Variants in TRIM45 observed in about 807,000 individuals in gnomAD.
TRIM45 encodes the protein tripartite motif containing 45.
A neutral mutation model predicts 46.7 loss-of-function variants in TRIM45; 45 were observed. That is an observed-to-expected ratio of 0.96 (90% CI 0.76 to 1.24). The LOEUF is 1.24. Ranked by LOEUF, TRIM45 falls within the 50% of genes most tolerant of loss-of-function variation. The probability of loss-of-function intolerance (pLI) is 0.00; values close to 1 mark genes in which losing one functional copy is unlikely to be tolerated. For missense variants in TRIM45, 680 were observed against 728.4 expected, an observed-to-expected ratio of 0.93 and a Z score of 0.77; for synonymous variants, 259 against 285.8, an observed-to-expected ratio of 0.91 and a Z score of 0.94.
chr1:117,116,328 G>A lies in TRIM45; in HGVS notation c.1352+288C>T, dbSNP rs182606719. On this transcript the variant is annotated intron_variant, in intron 3 of 5. Coordinates refer to ENST00000256649, the MANE Select transcript of TRIM45 (RefSeq NM_025188.4). The surrounding 1 kb of genome is among the most constrained non-coding windows in gnomAD (Gnocchi z 4.6). ...AGCTCACTGCAACCTCGACCTCCTGGGCTCAAGGGATCCTCCCATCTCAGC... is the reference window on the plus strand; with the variant it reads ...AGCTCACTGCAACCTCGACCTCCTGAGCTCAAGGGATCCTCCCATCTCAGC... Among the ~76,000 whole-genome samples, 183 of 151,864 alleles carry A rather than the reference G, an allele frequency of 1.2e-3. No individual in the cohort carries two copies. The highest frequency in any genetic ancestry group is 0.01 in the Middle Eastern group (3 of 294).
Position 117,121,690 on chromosome 1 carries a change from G to C in TRIM45, c.-489C>G. On this transcript the variant is annotated 5_prime_UTR_variant, in exon 1 of 6. Coordinates refer to ENST00000256649, the MANE Select transcript of TRIM45 (RefSeq NM_025188.4). The surrounding 1 kb of genome is among the most constrained non-coding windows in gnomAD (Gnocchi z 4.2). ...GTGAGGGAATTGCAAGCCGCCGGCG[G>C]GCTTCTCGGTGTCCACCGCCTCTCC... The C allele has an allele frequency of 1.8e-6, 1 of 551,342 alleles. No homozygotes were observed. The highest frequency in any genetic ancestry group is 2.2e-5 in the South Asian group (1 of 45,218). The allele number at this position is 551,342 out of a possible 1,614,324, so 34.2% of individuals were successfully genotyped here.
chr1:117,121,211 G>A lies in TRIM45; in HGVS notation c.-10C>T. On this transcript the variant is annotated 5_prime_UTR_variant, in exon 1 of 6. The change creates a new upstream start codon in the 5' untranslated region. Coordinates refer to ENST00000256649, the MANE Select transcript of TRIM45 (RefSeq NM_025188.4). The surrounding 1 kb of genome is among the most constrained non-coding windows in gnomAD (Gnocchi z 4.2). Reference sequence around the variant, plus strand: ...TTCTGTTTTCTGACATACTCCTCACGTTTGTGACCAATATTAGAAAGGGCC... The same window carrying A: ...TTCTGTTTTCTGACATACTCCTCACATTTGTGACCAATATTAGAAAGGGCC... The A allele has an allele frequency of 2.0e-6, 3 of 1,528,088 alleles. No homozygotes were observed. The highest frequency in any genetic ancestry group is 1.3e-5 in the South Asian group (1 of 77,162). 94.7% of individuals were successfully genotyped at this position (1,528,088 alleles called of 1,614,324 possible). A position where few individuals can be genotyped will look rare whatever the true frequency, so the allele number is the denominator to read the frequency against.
upstream of TRIM45, chr1:117,121,935 G>T: frequency 1.5e-6 from 1 of 686,188 alleles, no homozygotes; most frequent in South Asian, 1.6e-5. This position sits in a 1 kb window ranked among gnomAD's most constrained non-coding sequence, Gnocchi z 4.2. Context: ...ACAAGGCCGT[G>T]GGCGGGGCGG....
chr1:117,121,509 C>A lies in TRIM45; in HGVS notation c.-308G>T. 1 of 528,090 alleles carries A rather than the reference C, an allele frequency of 1.9e-6. No homozygotes were observed. The allele number at this position is 528,090 out of a possible 1,614,324, so 32.7% of individuals were successfully genotyped here. ...CTAGCTCTCCAGCTAGTCCTGCTGC[C>A]AACAAAGTCACCCCTGCACCTCTCG... On this transcript the variant is annotated 5_prime_UTR_variant, in exon 1 of 6. Transcript: ENST00000256649. The surrounding 1 kb of genome is among the most constrained non-coding windows in gnomAD (Gnocchi z 4.2).
chr1:117,116,542 A>G lies in TRIM45; in HGVS notation c.1352+74T>C. On this transcript the variant is annotated intron_variant, in intron 3 of 5. Transcript: ENST00000256649. This position sits in a 1 kb window ranked among gnomAD's most constrained non-coding sequence, Gnocchi z 4.6. ...GCATGAGCCACTGTGCCCAGCTCCA[A>G]TATCTTAAAGGACCTCATGTTTCCA... 1.3e-6 allele frequency: 2 copies of G among 1,573,820 alleles called. No homozygotes were observed. The highest frequency in any genetic ancestry group is 1.7e-6 in the Non-Finnish European group (2 of 1,157,034).
Position 117,121,724 on chromosome 1 carries a change from G to C in TRIM45, c.-523C>G, listed in dbSNP as rs1019664276. 3 of 593,650 alleles carry C rather than the reference G, an allele frequency of 5.1e-6. No homozygotes were observed. Among genetic ancestry groups the C allele is most frequent in the Non-Finnish European group, 9.2e-6 (3 of 327,708 alleles). The allele number at this position is 593,650 out of a possible 1,614,324, so 36.8% of individuals were successfully genotyped here. On this transcript the variant is annotated 5_prime_UTR_variant, in exon 1 of 6. Coordinates refer to ENST00000256649, the MANE Select transcript of TRIM45 (RefSeq NM_025188.4). The surrounding 1 kb of genome is among the most constrained non-coding windows in gnomAD (Gnocchi z 4.2). ...GTGTCCACCGCCTCTCCCGCGCCTC[G>C]GCCCGGGACGCCCGCGGGCTCTGGC...
chr1:117,119,943 A>C (rs1650557290), intron 1 of TRIM45, among the ~76,000 whole-genome samples: 1 of 152,160 alleles, frequency 6.6e-6, no homozygotes, highest in African/African-American at 2.4e-5. Flanking sequence ...TGGAAGTAGA[A>C]CCCGAAACCT....
chr1:117,118,155 T>C lies in TRIM45; in HGVS notation c.1101A>G (p.Gly367=), dbSNP rs769913395. 1.9e-6 allele frequency: 3 copies of C among 1,614,104 alleles called. No individual in the cohort carries two copies. The Admixed American group carries it at 5.0e-5, about 27-fold the overall frequency. Residue 367 remains glycine, a synonymous_variant, in exon 2 of 6, where the codon GGA becomes GGG. Transcript: ENST00000256649. This position sits in a 1 kb window ranked among gnomAD's most constrained non-coding sequence, Gnocchi z 5.7. Reference sequence around the variant, plus strand: ...GACAGAAGCGTATCTTATCATTTACTCCAGGACGGGTGCTATATTGAACTT... The same window carrying C: ...GACAGAAGCGTATCTTATCATTTACCCCAGGACGGGTGCTATATTGAACTT... ...LNKVQYSTRP[G]VNDKIRFCPQ...
In TRIM45 at chr1:117,115,493, T is replaced by C; in HGVS notation, c.1467+82A>G. 1.0e-6 allele frequency: 1 copy of C among 984,174 alleles called. No individual in the cohort carries two copies. Among genetic ancestry groups the C allele is most frequent in the Non-Finnish European group, 1.6e-6 (1 of 615,854 alleles). 61.0% of individuals were successfully genotyped at this position (984,174 alleles called of 1,614,324 possible). A position where few individuals can be genotyped will look rare whatever the true frequency, so the allele number is the denominator to read the frequency against. ...GGGGATTCTATTCAATCTCTCTGTATAGCTGATCCTATGTGAAATGTCTCC... is the reference window on the plus strand; with the variant it reads ...GGGGATTCTATTCAATCTCTCTGTACAGCTGATCCTATGTGAAATGTCTCC... On this transcript the variant is annotated intron_variant, in intron 4 of 5. Transcript: ENST00000256649. The surrounding 1 kb of genome is among the most constrained non-coding windows in gnomAD (Gnocchi z 4.2).
Position 117,118,822 on chromosome 1 carries a change from A to C in TRIM45, c.489-55T>G, listed in dbSNP as rs1041255748. ...ATAAGGGGATAATTCTGTTGGGAATAGTTGGGCAGAGAGATTTTAGGAGCA... is the reference window on the plus strand; with the variant it reads ...ATAAGGGGATAATTCTGTTGGGAATCGTTGGGCAGAGAGATTTTAGGAGCA... On this transcript the variant is annotated intron_variant, in intron 1 of 5. Coordinates refer to ENST00000256649, the MANE Select transcript of TRIM45 (RefSeq NM_025188.4). This position sits in a 1 kb window ranked among gnomAD's most constrained non-coding sequence, Gnocchi z 5.7. 1 of 1,552,764 alleles carries C rather than the reference A, an allele frequency of 6.4e-7. No individual in the cohort carries two copies. Among genetic ancestry groups the C allele is most frequent in the African/African-American group, 1.4e-5 (1 of 73,052 alleles).
In TRIM45 at chr1:117,118,548, G is replaced by A. The variant is rs1292043435; in HGVS notation, c.708C>T (p.Asp236=). The change falls in exon 2 of 6, where the codon GAC becomes GAT. Residue 236 remains aspartate (D), a synonymous_variant. Coordinates refer to ENST00000256649, the MANE Select transcript of TRIM45 (RefSeq NM_025188.4). The surrounding 1 kb of genome is among the most constrained non-coding windows in gnomAD (Gnocchi z 5.7). ...TACCTTTGAGGAGCTCCCACACAGA[G>A]TCCCCATGCTTGTGGATGACATTGC... ...FTSNVIHKHG[D]SVWELLKGTQ... The A allele has an allele frequency of 6.2e-7, 1 of 1,614,172 alleles. No homozygotes were observed. Among genetic ancestry groups the A allele is most frequent in the Admixed American group, 1.7e-5 (1 of 60,028 alleles).
At position 117,116,807 on chromosome 1, in the gene TRIM45, C is replaced by T; in HGVS notation, c.1223-62G>A. On this transcript the variant is annotated intron_variant, in intron 2 of 5. Coordinates refer to ENST00000256649, the MANE Select transcript of TRIM45 (RefSeq NM_025188.4). The surrounding 1 kb of genome is among the most constrained non-coding windows in gnomAD (Gnocchi z 4.6). ...TAAACTGCAGTGACTACATCTCCAT[C>T]TTGCTTTTTCTCTTCAGAACAAAGG... is the stretch of plus-strand genomic sequence containing the variant. 1 of 1,602,730 alleles carries T rather than the reference C, an allele frequency of 6.2e-7. No homozygotes were observed. The highest frequency in any genetic ancestry group is 8.5e-7 in the Non-Finnish European group (1 of 1,172,516).
intron 5 of TRIM45, 44 bp from the exon 6 acceptor site, chr1:117,112,497 T>A (rs753593627): frequency 6.4e-7 from 1 of 1,556,252 alleles, no homozygotes; most frequent in Non-Finnish European, 8.7e-7. Flanking sequence ...ACCATTAGCG[T>A]GGAGGCCAGC....
rs138579694 is a variant in TRIM45, at chr1:117,115,617, G to T, written c.1425C>A (p.Gly475=). 1.2e-6 allele frequency: 2 copies of T among 1,613,968 alleles called. No individual in the cohort carries two copies. Among genetic ancestry groups the T allele is most frequent in the Middle Eastern group, 1.6e-4 (1 of 6,084 alleles). Residue 475 remains glycine, a synonymous_variant, in exon 4 of 6, where the codon GGC becomes GGA. Transcript: ENST00000256649. The surrounding 1 kb of genome is among the most constrained non-coding windows in gnomAD (Gnocchi z 4.2). ...YYISYTPKEP[G]VYTVWVCIKE... The stretch of plus-strand genomic sequence containing the variant: ...TGATGCAGACCCACACAGTATAGAC[G>T]CCAGGTTCCTTGGGGGTGTAGGAAA...
chr1:117,120,566 G>A, intron 1 of TRIM45, 148 bp downstream of exon 1: 1 of 1,105,128 alleles, frequency 9.0e-7, no homozygotes, highest in African/African-American at 1.6e-5. Context: ...TTGTACTGGA[G>A]TATTTGCTAT....
chr1:117,116,581 C>T lies in TRIM45; in HGVS notation c.1352+35G>A, dbSNP rs1184472318. ...CTCATGTTTCCAGTTTTCTCACTGC[C>T]TGTTATCCATGACACCTAATTGTGT... On this transcript the variant is annotated intron_variant, in intron 3 of 5. Coordinates refer to ENST00000256649, the MANE Select transcript of TRIM45 (RefSeq NM_025188.4). This position sits in a 1 kb window ranked among gnomAD's most constrained non-coding sequence, Gnocchi z 4.6. The T allele has an allele frequency of 6.2e-7, 1 of 1,608,958 alleles. No individual in the cohort carries two copies. The highest frequency in any genetic ancestry group is 8.5e-7 in the Non-Finnish European group (1 of 1,177,288).
At chr1:117,119,380 C>A (rs904329554) in intron 1 of TRIM45, among the ~76,000 whole-genome samples, 7 of 152,114 alleles carry the variant, frequency 4.6e-5, no homozygotes, top group South Asian at 4.1e-4. Context: ...CTGAGGTGGG[C>A]GGATCAACTG....
At position 117,121,711 on chromosome 1, in the gene TRIM45, T is replaced by C; in HGVS notation, c.-510A>G. ...GGCGGGCTTCTCGGTGTCCACCGCC[T>C]CTCCCGCGCCTCGGCCCGGGACGCC... On this transcript the variant is annotated 5_prime_UTR_variant, in exon 1 of 6. Transcript: ENST00000256649. This position sits in a 1 kb window ranked among gnomAD's most constrained non-coding sequence, Gnocchi z 4.2. 1 of 575,406 alleles carries C rather than the reference T, an allele frequency of 1.7e-6. No individual in the cohort carries two copies. Among genetic ancestry groups the C allele is most frequent in the Non-Finnish European group, 3.1e-6 (1 of 321,310 alleles). The allele number at this position is 575,406 out of a possible 1,614,324, so 35.6% of individuals were successfully genotyped here.
chr1:117,111,879 A>G lies in TRIM45; in HGVS notation c.*426T>C, dbSNP rs10923208. 60,228 of 150,178 alleles carry G rather than the reference A, an allele frequency of 0.4. 12,830 individuals are homozygous for G. The highest frequency in any genetic ancestry group is 0.54 in the African/African-American group (21,737 of 40,432). 9.3% of individuals were successfully genotyped at this position (150,178 alleles called of 1,614,324 possible). ...ACGAGAATCATTTGAACCGGGAGGC[A>G]GAGGTTGCAGTGAGCCGAGATCATG... On this transcript the variant is annotated 3_prime_UTR_variant, in exon 6 of 6. Coordinates refer to ENST00000256649, the MANE Select transcript of TRIM45 (RefSeq NM_025188.4).
Sources: allele counts gnomAD v4.1 joint callset (sites outside exome capture counted in the v4.1 genomes callset), GRCh38; gene constraint gnomAD v4.1.1; non-coding constraint Gnocchi (gnomAD v3.1); transcripts MANE v1.5; gene names NCBI Gene and HGNC (gene_info 2026-07-23, HGNC 2026-07-21).